Variants in ANKRD30A observed in about 807,000 individuals in gnomAD.
ANKRD30A encodes ankyrin repeat domain 30A.
Under a neutral mutation model 166.3 loss-of-function variants are expected in ANKRD30A, and 170 were observed. The observed-to-expected ratio is 1.02, with a 90% CI of 0.90 to 1.16. ANKRD30A has a LOEUF of 1.16. Ranked by LOEUF, ANKRD30A falls within the 50% of genes most tolerant of loss-of-function variation. The pLI, the probability that ANKRD30A is intolerant of heterozygous loss-of-function variation, is 0.00. For synonymous variants in ANKRD30A, 564 were observed against 508.9 expected (o/e 1.11, Z -1.46); for missense variants, 1,630 against 1,518.0 (o/e 1.07, Z -1.23).
chr10:37,252,854 G>A, the ANKRD30A span, among the ~76,000 whole-genome samples: 1 of 152,074 alleles, frequency 6.6e-6, no homozygotes, highest in Non-Finnish European at 1.5e-5. Flanking sequence ...GCTTATATAA[G>A]ATGTTTTTTC....
intron 15 of ANKRD30A, 112 bp from the exon 16 acceptor site, chr10:37,162,537 T>C (rs1461769148): frequency 7.2e-7 from 1 of 1,386,196 alleles, no homozygotes; most frequent in African/African-American, 1.4e-5. Context: ...ATCTAAAGTA[T>C]TCATTCTCCA....
chr10:37,211,571 G>A (rs1345490208), intron 31 of ANKRD30A, among the ~76,000 whole-genome samples: 1 of 152,070 alleles, frequency 6.6e-6, no homozygotes. Context: ...CTTTGCTATT[G>A]TGAATAGTGC....
At chr10:37,198,635 G>C (rs1005094358) in intron 29 of ANKRD30A, among the ~76,000 whole-genome samples, 1 of 151,856 alleles carries the variant, frequency 6.6e-6, no homozygotes, top group Non-Finnish European at 1.5e-5. Context: ...AACTATCCAG[G>C]GTTCACTTCC....
At chr10:37,236,466 C>T (rs78301063), downstream of ANKRD30A, among the ~76,000 whole-genome samples, 9,185 of 152,228 alleles carry the variant, frequency 0.06, 391 homozygotes, top group Middle Eastern at 0.11. Context: ...AAACTCATGT[C>T]ACTGTGGGCA....
intron 31 of ANKRD30A, among the ~76,000 whole-genome samples, chr10:37,214,220 C>T (rs528003854): frequency 3.4e-4 from 52 of 151,698 alleles, no homozygotes; most frequent in African/African-American, 1.2e-3. Flanking sequence ...AATACAACCA[C>T]CCTTCCTCAG....
chr10:37,191,912 G>A (rs536730664), intron 25 of ANKRD30A, among the ~76,000 whole-genome samples: 46 of 152,140 alleles, frequency 3.0e-4, no homozygotes, highest in South Asian at 1.7e-3. Context: ...AAAGAATGGC[G>A]TGAACCCGCG....
intron 31 of ANKRD30A, among the ~76,000 whole-genome samples, chr10:37,215,277 T>G (rs1230273018): frequency 6.6e-6 from 1 of 151,488 alleles, no homozygotes; most frequent in Non-Finnish European, 1.5e-5. Context: ...ATAGACACTC[T>G]TCTTGCCACT....
chr10:37,147,570 A>G (rs1179946782), intron 9 of ANKRD30A, 113 bp downstream of exon 9: 2 of 585,458 alleles, frequency 3.4e-6, no homozygotes, highest in African/African-American at 3.8e-5. Context: ...CATAACATCG[A>G]AAAGAGAGGA....
At chr10:37,193,931 G>A (rs187979292) in intron 27 of ANKRD30A, among the ~76,000 whole-genome samples, 10 of 152,264 alleles carry the variant, frequency 6.6e-5, no homozygotes, top group East Asian at 3.9e-4. Context: ...ACGGTGGCAC[G>A]TGCCTGTAAT....
At position 37,230,577 on chromosome 10, in the gene ANKRD30A, T is replaced by C. The variant is rs538903005; in HGVS notation, c.4186-884T>C. Among the ~76,000 whole-genome samples the C allele has an allele frequency of 9.2e-5, 14 of 152,212 alleles. No individual in the cohort carries two copies. The South Asian group carries it at 2.9e-3, about 32-fold the overall frequency. ...TCAGCATGTCCCCAAATAGAAATAC[T>C]AATAAGTTTAACTATTGTTTAGAGG... is the stretch of plus-strand genomic sequence containing the variant. On this transcript the variant is annotated intron_variant, in intron 34 of 35. Coordinates refer to ENST00000361713, the MANE Select transcript of ANKRD30A (RefSeq NM_052997.3).
chr10:37,140,490 A>T (rs940802799), intron 6 of ANKRD30A, among the ~76,000 whole-genome samples: 1 of 152,202 alleles, frequency 6.6e-6, no homozygotes, highest in African/African-American at 2.4e-5. Context: ...AGCGCAGGTT[A>T]TGTTACATAG....
intron 27 of ANKRD30A, among the ~76,000 whole-genome samples, chr10:37,193,494 A>G (rs568882176): frequency 6.6e-5 from 10 of 152,096 alleles, no homozygotes; most frequent in Non-Finnish European, 1.5e-4. Context: ...TAATGTCCTG[A>G]TCGGATAAAG....
chr10:37,161,220 G>T (rs1838836146), intron 15 of ANKRD30A, among the ~76,000 whole-genome samples: 1 of 152,182 alleles, frequency 6.6e-6, no homozygotes, highest in Non-Finnish European at 1.5e-5. Flanking sequence ...GAAAATAGTG[G>T]AAGAAGAGCA....
chr10:37,233,532 AT>A (rs1316132206), downstream of ANKRD30A, among the ~76,000 whole-genome samples: 10 of 152,248 alleles, frequency 6.6e-5, no homozygotes, highest in Non-Finnish European at 1.3e-4. Context: ...GCAAAGTGCT[AT>A]TTATTTTTAG....
intron 31 of ANKRD30A, among the ~76,000 whole-genome samples, chr10:37,203,112 G>A (rs2132699136): frequency 6.6e-6 from 1 of 152,188 alleles, no homozygotes; most frequent in Middle Eastern, 3.4e-3. Context: ...AGAAAAAGAG[G>A]GAATCCTCCC....
intron 34 of ANKRD30A, 104 bp downstream of exon 34, chr10:37,220,001 A>G: frequency 1.6e-5 from 1 of 62,082 alleles, no homozygotes; most frequent in Non-Finnish European, 3.2e-5. Flanking sequence ...ATATATATAT[A>G]TATATATATA....
At chr10:37,195,791 G>C (rs1421381562) in intron 27 of ANKRD30A, among the ~76,000 whole-genome samples, 4 of 152,126 alleles carry the variant, frequency 2.6e-5, no homozygotes, top group Non-Finnish European at 4.4e-5. Context: ...CTCAGGCGAT[G>C]CTGCTGCTGG....
chr10:37,199,991 A>G (rs1324340039), intron 30 of ANKRD30A, among the ~76,000 whole-genome samples: 1 of 152,088 alleles, frequency 6.6e-6, no homozygotes, highest in Non-Finnish European at 1.5e-5. Context: ...TGTAGGATTA[A>G]TTTAAGAAGC....
At chr10:37,129,063 G>C (rs2132503962) in intron 1 of ANKRD30A, among the ~76,000 whole-genome samples, 1 of 152,180 alleles carries the variant, frequency 6.6e-6, no homozygotes, top group Non-Finnish European at 1.5e-5. Flanking sequence ...TATTAAAGAA[G>C]TACTTTGTTT....
Sources: gnomAD v4.1 joint callset for allele counts (sites outside exome capture counted in the v4.1 genomes callset) on GRCh38, gnomAD v4.1.1 for gene constraint, MANE v1.5 for transcripts, NCBI Gene and HGNC (gene_info 2026-07-23, HGNC 2026-07-21) for gene names.